The following TFB1M variants were observed in gnomAD, a reference collection of about 807,000 sequenced individuals.
TFB1M encodes dimethyladenosine transferase 1, mitochondrial.
Under a neutral mutation model 31.1 loss-of-function variants are expected in TFB1M, and 27 were observed. The ratio of observed to expected loss-of-function variants is 0.87; its 90% CI spans 0.64 to 1.20. The LOEUF (loss-of-function observed/expected upper bound fraction) is 1.20, where lower values mean the gene tolerates loss of function less well. Among genes scored for constraint, TFB1M ranks in the 50% most tolerant of loss-of-function variants. The pLI is 0.00. For synonymous variants in TFB1M, 166 were observed against 151.8 expected (o/e 1.09, Z -0.69); for missense variants, 394 against 418.7 (o/e 0.94, Z 0.51).
chr6:155,293,014 T>C (rs1353748573), intron 4 of TFB1M, among the ~76,000 whole-genome samples: 2 of 151,734 alleles, frequency 1.3e-5, no homozygotes, highest in Non-Finnish European at 2.9e-5. Context: ...TTATTTTTTG[T>C]AGAGACAAGG....
chr6:155,268,747 G>T (rs1784779195), intron 5 of TFB1M, among the ~76,000 whole-genome samples: 2 of 151,100 alleles, frequency 1.3e-5, no homozygotes, highest in African/African-American at 2.4e-5. Context: ...ATGCTTGAAG[G>T]CAGCATGCTT....
chr6:155,267,141 A>G (rs1368097595), intron 5 of TFB1M, among the ~76,000 whole-genome samples: 1 of 151,724 alleles, frequency 6.6e-6, no homozygotes, highest in Non-Finnish European at 1.5e-5. Context: ...CACCCGGCCA[A>G]TTTTTGTATT....
downstream of TFB1M, chr6:155,253,948 CTT>C (rs766900841): frequency 2.5e-6 from 4 of 1,597,756 alleles, no homozygotes; most frequent in Non-Finnish European, 8.6e-7. Flanking sequence ...GTTGTAGACT[CTT>C]GTTTCCATTT....
At chr6:155,244,912 T>C in the TFB1M span, 1 of 1,176,964 alleles carries the variant, frequency 8.5e-7, no homozygotes, top group Non-Finnish European at 1.1e-6. Context: ...CCTGTGACTA[T>C]TTCCTTGCAC....
rs1481060296 is a variant in TFB1M at position 155,314,444 on chromosome 6, C to T, written c.-16G>A. The T allele has an allele frequency of 1.2e-6, 2 of 1,614,068 alleles. No homozygotes were observed. Among genetic ancestry groups the T allele is most frequent in the Admixed American group, 1.7e-5 (1 of 60,038 alleles). ...AGGCAGCCATGATACGCGGCAAGCACCATCCAACCCTACCTCACCCAGGAC... is the reference window on the plus strand; with the variant it reads ...AGGCAGCCATGATACGCGGCAAGCATCATCCAACCCTACCTCACCCAGGAC... On this transcript the variant is annotated 5_prime_UTR_variant, in exon 1 of 7. It adds an upstream start codon to the 5' untranslated region. Transcript: ENST00000367166.
the TFB1M span, among the ~76,000 whole-genome samples, chr6:155,246,669 A>G: frequency 6.6e-6 from 1 of 152,078 alleles, no homozygotes; most frequent in Non-Finnish European, 1.5e-5. Flanking sequence ...TCTGTAGTAC[A>G]GTGAAAGCAT....
At chr6:155,250,957 T>A in the TFB1M span, 1 of 1,614,230 alleles carries the variant, frequency 6.2e-7, no homozygotes, top group Admixed American at 1.7e-5. Flanking sequence ...ACTCTACGGT[T>A]TCCTGGTTGA....
Position 155,314,479 on chromosome 6 carries a change from C to T in TFB1M, c.-51G>A, listed in dbSNP as rs1457490654. The T allele has an allele frequency of 1.2e-6, 2 of 1,613,010 alleles. No homozygotes were observed. The highest frequency in any genetic ancestry group is 1.7e-6 in the Non-Finnish European group (2 of 1,179,832). ...CTACCTCACCCAGGACCTTCACCGC[C>T]GCTCCGAAAGAAACGCGCAGGGGAG... On this transcript the variant is annotated 5_prime_UTR_variant, in exon 1 of 7. Coordinates refer to ENST00000367166, the MANE Select transcript of TFB1M (RefSeq NM_016020.4).
At chr6:155,251,840 C>A, downstream of TFB1M, 2 of 852,426 alleles carry the variant, frequency 2.3e-6, no homozygotes, top group Non-Finnish European at 3.7e-6. Context: ...GTCTTAGAGA[C>A]TCATACGTTT....
the TFB1M span, among the ~76,000 whole-genome samples, chr6:155,247,338 G>GT: frequency 8.6e-5 from 13 of 151,274 alleles, no homozygotes; most frequent in Admixed American, 5.3e-4. Context: ...TTTTGATGTT[G>GT]TTTTTTTTGA....
At chr6:155,243,937 G>C in the TFB1M span, 1 of 1,223,628 alleles carries the variant, frequency 8.2e-7, no homozygotes, top group South Asian at 1.2e-5. Flanking sequence ...CTGCTGCCAG[G>C]TTGCTGCTAC....
At chr6:155,301,726 AAAG>A (rs758883065) in intron 2 of TFB1M, among the ~76,000 whole-genome samples, 28 of 152,354 alleles carry the variant, frequency 1.8e-4, no homozygotes, top group South Asian at 1.7e-3. Context: ...TAAGGCTATA[AAAG>A]AAGAAACCGA....
chr6:155,285,581 A>G (rs554378966), intron 4 of TFB1M, among the ~76,000 whole-genome samples: 30 of 152,364 alleles, frequency 2.0e-4, no homozygotes, highest in African/African-American at 6.7e-4. Flanking sequence ...AGAAGGTCCT[A>G]CATAAAACAA....
intron 2 of TFB1M, among the ~76,000 whole-genome samples, chr6:155,305,309 C>T (rs183333525): frequency 0.034 from 515 of 15,330 alleles, 94 homozygotes; most frequent in East Asian, 0.33. Context: ...TATATATAAA[C>T]ATATATTAAA....
In TFB1M at chr6:155,257,464, TA is replaced by T. The variant is rs1784139297; in HGVS notation, c.*371del. On this transcript the variant is annotated 3_prime_UTR_variant, in exon 7 of 7. Coordinates refer to ENST00000367166, the MANE Select transcript of TFB1M (RefSeq NM_016020.4). ...TAATAGTTTTCAAAGGGCCATTTTT[TA>T]AAATCCTCTGGGCATTTTCTTTCAG... 3 of 340,062 alleles carry T rather than the reference TA, an allele frequency of 8.8e-6. No homozygotes were observed. The highest frequency in any genetic ancestry group is 6.9e-5 in the East Asian group (1 of 14,398). 21.1% of individuals were successfully genotyped at this position (340,062 alleles called of 1,614,324 possible).
chr6:155,240,544 C>T, the TFB1M span: 1 of 1,613,584 alleles, frequency 6.2e-7, no homozygotes, highest in Non-Finnish European at 8.5e-7. Context: ...CTGAGCAGAT[C>T]ACTGCACTGT....
chr6:155,245,672 TTAAACTG>T, the TFB1M span: 1 of 1,614,028 alleles, frequency 6.2e-7, no homozygotes, highest in Non-Finnish European at 8.5e-7. Context: ...GCGGACCACT[TTAAACTG>T]TACAGTGGAT....
At chr6:155,236,697 C>T in the TFB1M span, among the ~76,000 whole-genome samples, 1 of 152,116 alleles carries the variant, frequency 6.6e-6, no homozygotes, top group African/African-American at 2.4e-5. Flanking sequence ...TCATATCTTA[C>T]GTGGATGGCA....
intron 2 of TFB1M, chr6:155,299,532 C>A (rs1449113831): frequency 1.3e-5 from 2 of 152,110 alleles, no homozygotes; most frequent in Non-Finnish European, 2.9e-5. Flanking sequence ...AATGTATCAA[C>A]GAGAAGAAAC....
Sources: gnomAD v4.1 joint callset for allele counts (sites outside exome capture counted in the v4.1 genomes callset) on GRCh38, gnomAD v4.1.1 for gene constraint, MANE v1.5 for transcripts, NCBI Gene and HGNC (gene_info 2026-07-23, HGNC 2026-07-21) for gene names.